Variants in CTNND2 observed in about 807,000 individuals in gnomAD.
CTNND2 encodes the protein catenin delta-2.
In CTNND2, 22 loss-of-function variants were observed where a neutral mutation model predicts 144.4. The ratio of observed to expected loss-of-function variants is 0.15; its 90% CI spans 0.11 to 0.22. CTNND2 has a LOEUF of 0.22. Ranked by LOEUF, CTNND2 falls within the 10% of genes least tolerant of loss-of-function variation. CTNND2 has a pLI of 1.00. For missense variants in CTNND2, 1,353 were observed against 1,618.8 expected (o/e 0.84, Z 2.82); for synonymous variants, 751 against 695.6 (o/e 1.08, Z -1.25).
intron 1 of CTNND2, among the ~76,000 whole-genome samples, chr5:11,769,671 G>C (rs1205077309): frequency 6.6e-6 from 1 of 152,126 alleles, no homozygotes; most frequent in Non-Finnish European, 1.5e-5. Context: ...GGTAACCAGA[G>C]ATACTAAGTG....
chr5:11,430,014 G>T (rs918545103), intron 3 of CTNND2, among the ~76,000 whole-genome samples: 2 of 152,212 alleles, frequency 1.3e-5, no homozygotes, highest in African/African-American at 4.8e-5. Context: ...CCTTTTGGGA[G>T]GCCGAGGTGG....
intron 3 of CTNND2, among the ~76,000 whole-genome samples, chr5:11,419,838 A>T (rs1762226256): frequency 6.6e-6 from 1 of 152,158 alleles, no homozygotes; most frequent in Admixed American, 6.5e-5. Flanking sequence ...ATATACTCTT[A>T]TTGTCTTTTT....
intron 12 of CTNND2, among the ~76,000 whole-genome samples, chr5:11,139,501 T>TCACACC (rs1174853446): frequency 6.6e-6 from 1 of 152,222 alleles, no homozygotes; most frequent in African/African-American, 2.4e-5. Flanking sequence ...ATCATGGGTG[T>TCACACC]GATGTTTATG....
intron 16 of CTNND2, among the ~76,000 whole-genome samples, chr5:11,081,102 ACACACT>A (rs772979669): frequency 5.1e-4 from 56 of 110,816 alleles, no homozygotes; most frequent in African/African-American, 1.9e-3. Context: ...ACACACACAC[ACACACT>A]CACACACACA....
intron 3 of CTNND2, among the ~76,000 whole-genome samples, chr5:11,542,937 A>G (rs1774887648): frequency 2.0e-5 from 3 of 152,236 alleles, no homozygotes; most frequent in African/African-American, 7.2e-5. Context: ...ATTTATTAAC[A>G]TCAAATCTTC....
intron 15 of CTNND2, among the ~76,000 whole-genome samples, chr5:11,086,110 G>T (rs1384284683): frequency 6.6e-6 from 1 of 152,140 alleles, no homozygotes; most frequent in Non-Finnish European, 1.5e-5. Flanking sequence ...AGGACCCAGG[G>T]CTGCAGAGGG....
intron 5 of CTNND2, among the ~76,000 whole-genome samples, chr5:11,404,996 C>T (rs1382902300): frequency 2.0e-5 from 3 of 152,178 alleles, no homozygotes; most frequent in Non-Finnish European, 2.9e-5. Context: ...TCCTCTGCCT[C>T]GCGGGGAAAA....
At chr5:11,058,953 C>T (rs1400149648) in intron 16 of CTNND2, among the ~76,000 whole-genome samples, 1 of 152,200 alleles carries the variant, frequency 6.6e-6, no homozygotes, top group Non-Finnish European at 1.5e-5. Flanking sequence ...GCCAATTTCT[C>T]ACATTTGGAA....
chr5:11,743,105 A>C (rs1359649923), intron 1 of CTNND2, among the ~76,000 whole-genome samples: 1 of 152,252 alleles, frequency 6.6e-6, no homozygotes, highest in East Asian at 1.9e-4. Flanking sequence ...CAAAACTATA[A>C]ACAATTAGGG....
At chr5:11,858,097 A>T (rs1160469281) in intron 1 of CTNND2, among the ~76,000 whole-genome samples, 2 of 152,182 alleles carry the variant, frequency 1.3e-5, no homozygotes. Flanking sequence ...GCCATGGACC[A>T]TTTTTTAAAG....
At chr5:11,652,919 C>G (rs1380981179) in intron 2 of CTNND2, among the ~76,000 whole-genome samples, 1 of 152,158 alleles carries the variant, frequency 6.6e-6, no homozygotes, top group Non-Finnish European at 1.5e-5. Context: ...TACTCTTTTT[C>G]TAAGGGTCCA....
At chr5:11,562,979 A>C (rs983484721) in intron 3 of CTNND2, among the ~76,000 whole-genome samples, 4 of 152,198 alleles carry the variant, frequency 2.6e-5, no homozygotes, top group Non-Finnish European at 4.4e-5. Context: ...GTTACCACAG[A>C]GTCCTCCACT....
intron 3 of CTNND2, among the ~76,000 whole-genome samples, chr5:11,509,348 G>T (rs913771274): frequency 1.3e-5 from 2 of 150,576 alleles, no homozygotes; most frequent in African/African-American, 4.9e-5. Context: ...TATACATGTT[G>T]TGGAACTATA....
At chr5:11,163,591 C>T (rs1759008434) in intron 11 of CTNND2, among the ~76,000 whole-genome samples, 2 of 152,176 alleles carry the variant, frequency 1.3e-5, no homozygotes, top group African/African-American at 4.8e-5. Context: ...CTTCTCTCTG[C>T]TTCACTTTCC....
chr5:11,376,251 A>G (rs913365406), intron 7 of CTNND2, among the ~76,000 whole-genome samples: 1 of 151,694 alleles, frequency 6.6e-6, no homozygotes, highest in Admixed American at 6.6e-5. Flanking sequence ...CAGCCATGGA[A>G]AAAGCTGTGG....
chr5:11,426,162 G>A lies in CTNND2; in HGVS notation c.288-14093C>T, dbSNP rs559838742. Among the ~76,000 whole-genome samples the A allele has an allele frequency of 6.6e-5, 10 of 152,110 alleles. No homozygotes were observed. The South Asian group carries it at 1.5e-3, about 22-fold the overall frequency. On this transcript the variant is annotated intron_variant, in intron 3 of 21. Transcript: ENST00000304623. ...AATCTCTCTCCTCCACTACCAAACC[G>A]CACTGTTGTAGCCCCCCTTGAAAAA...
chr5:11,319,496 T>C (rs1751824700), intron 9 of CTNND2, among the ~76,000 whole-genome samples: 2 of 152,118 alleles, frequency 1.3e-5, no homozygotes, highest in Non-Finnish European at 2.9e-5. Context: ...AAGTCTATAG[T>C]GTCTTTATTT....
chr5:11,509,687 T>TA (rs1165387719), intron 3 of CTNND2, among the ~76,000 whole-genome samples: 2 of 152,198 alleles, frequency 1.3e-5, no homozygotes, highest in African/African-American at 4.8e-5. Context: ...GTATAACTCA[T>TA]AAAATCTCTG....
chr5:11,794,731 C>A (rs184078523), intron 1 of CTNND2, among the ~76,000 whole-genome samples: 4 of 152,178 alleles, frequency 2.6e-5, no homozygotes, highest in Admixed American at 2.6e-4. Context: ...CATCTTTTCT[C>A]CCACGTATGA....
Sources: allele counts gnomAD v4.1 joint callset (sites outside exome capture counted in the v4.1 genomes callset), GRCh38; gene constraint gnomAD v4.1.1; transcripts MANE v1.5; gene names NCBI Gene and HGNC (gene_info 2026-07-23, HGNC 2026-07-21).